Variants in SLC25A17 observed in about 807,000 individuals in gnomAD.
The protein encoded by SLC25A17 is solute carrier family 25 member 17.
A neutral mutation model predicts 38.5 loss-of-function variants in SLC25A17; 26 were observed. That is an observed-to-expected ratio of 0.68 (90% confidence interval 0.50 to 0.94). SLC25A17 has a LOEUF of 0.94. Among genes scored for constraint, SLC25A17 ranks in the 40% least tolerant of loss-of-function variants. The probability of loss-of-function intolerance (pLI) is 0.00; values close to 1 mark genes in which losing one functional copy is unlikely to be tolerated. For synonymous variants in SLC25A17, 139 were observed against 136.2 expected (o/e 1.02, Z -0.14); for missense variants, 333 against 372.7 (o/e 0.89, Z 0.88).
At chr22:40,783,545 C>T (rs1436329540) in intron 4 of SLC25A17, among the ~76,000 whole-genome samples, 1 of 152,088 alleles carries the variant, frequency 6.6e-6, no homozygotes, top group African/African-American at 2.4e-5. Flanking sequence ...CCTCCTACTC[C>T]TGGGCTTAAG....
At chr22:40,806,211 G>A (rs954547391) in intron 1 of SLC25A17, among the ~76,000 whole-genome samples, 1 of 152,140 alleles carries the variant, frequency 6.6e-6, no homozygotes, top group Non-Finnish European at 1.5e-5. Flanking sequence ...GAAGTGGGGA[G>A]GAAACTAAAA....
intron 4 of SLC25A17, among the ~76,000 whole-genome samples, chr22:40,784,791 A>C (rs2057323556): frequency 6.7e-6 from 1 of 150,164 alleles, no homozygotes; most frequent in African/African-American, 2.4e-5. Flanking sequence ...CAACAAAAAA[A>C]AAAAAAAAAA....
chr22:40,811,394 C>T (rs2057579882), intron 1 of SLC25A17, among the ~76,000 whole-genome samples: 1 of 151,278 alleles, frequency 6.6e-6, no homozygotes, highest in East Asian at 2.0e-4. Flanking sequence ...CCTGGCCAAT[C>T]GTGCAGTAAC....
chr22:40,785,910 T>C lies in SLC25A17; in HGVS notation c.334+6615A>G, dbSNP rs915408177. On this transcript the variant is annotated intron_variant, in intron 4 of 8. Transcript: ENST00000435456. ...TTAGCCTCCCAAACTGCTGGGATTATTGACATGAGCCACTGTACCCAGCCC... is the reference window on the plus strand; with the variant it reads ...TTAGCCTCCCAAACTGCTGGGATTACTGACATGAGCCACTGTACCCAGCCC... 6.6e-5 allele frequency among the ~76,000 whole-genome samples: 10 copies of C among 152,240 alleles called. No homozygotes were observed. In the East Asian group the frequency reaches 1.5e-3, roughly 23 times the overall value.
intron 3 of SLC25A17, among the ~76,000 whole-genome samples, chr22:40,793,617 T>C (rs1250440209): frequency 2.0e-5 from 3 of 152,016 alleles, no homozygotes; most frequent in East Asian, 3.9e-4. Flanking sequence ...CTTTCTATTT[T>C]CTTTTTTTTT....
At chr22:40,809,470 T>TAA (rs138314) in intron 1 of SLC25A17, among the ~76,000 whole-genome samples, 86,194 of 148,166 alleles carry the variant, frequency 0.58, 25,254 homozygotes, top group South Asian at 0.68. Flanking sequence ...ACAAAAAAAT[T>TAA]AAAAAAAAAA....
In SLC25A17 at chr22:40,789,167, T is replaced by TG; in HGVS notation, c.334+3357dup. The TG allele has an allele frequency of 3.8e-6, 1 of 260,678 alleles. No homozygotes were observed. Among genetic ancestry groups the TG allele is most frequent in the South Asian group, 5.2e-5 (1 of 19,408 alleles). 16.1% of individuals were successfully genotyped at this position (260,678 alleles called of 1,614,324 possible). On this transcript the variant is annotated intron_variant, in intron 4 of 8. Coordinates refer to ENST00000435456, the MANE Select transcript of SLC25A17 (RefSeq NM_006358.4). The surrounding 1 kb of genome is among the most constrained non-coding windows in gnomAD (Gnocchi z 4.5). Reference sequence around the variant, plus strand: ...ACCACTTGCTCAGGAAAATTAGCTGTGGGGGATGCCCAGCTGCTTGTAGCC... The same window carrying TG: ...ACCACTTGCTCAGGAAAATTAGCTGTGGGGGGATGCCCAGCTGCTTGTAGCC...
chr22:40,785,444 T>C (rs957767490), intron 4 of SLC25A17, among the ~76,000 whole-genome samples: 8 of 152,190 alleles, frequency 5.3e-5, no homozygotes, highest in African/African-American at 1.7e-4. Flanking sequence ...CATTTAACAG[T>C]GGCCATTTGG....
intron 1 of SLC25A17, among the ~76,000 whole-genome samples, chr22:40,814,937 A>G (rs2057623948): frequency 6.6e-6 from 1 of 151,776 alleles, no homozygotes; most frequent in South Asian, 2.1e-4. Flanking sequence ...CTCCTGCCTC[A>G]GCCTCCCGAG....
rs2057170687 is a variant in SLC25A17 at position 40,770,526 on chromosome 22, T to C, written c.*308A>G. The C allele has an allele frequency of 9.9e-6, 2 of 202,732 alleles. No homozygotes were observed. Among genetic ancestry groups the C allele is most frequent in the Non-Finnish European group, 2.0e-5 (2 of 101,556 alleles). The allele number at this position is 202,732 out of a possible 1,614,324, so 12.6% of individuals were successfully genotyped here. On this transcript the variant is annotated 3_prime_UTR_variant, in exon 9 of 9. Coordinates refer to ENST00000435456, the MANE Select transcript of SLC25A17 (RefSeq NM_006358.4). ...AGATTTAAATAGAAAACATTACACA[T>C]GAGAGCAAAATAGTCCATTTCTCTT...
intron 1 of SLC25A17, among the ~76,000 whole-genome samples, chr22:40,810,687 G>T (rs990634178): frequency 1.6e-4 from 25 of 152,224 alleles, no homozygotes; most frequent in African/African-American, 6.0e-4. Flanking sequence ...AGCAAAGCAT[G>T]CACATAGTTT....
intron 7 of SLC25A17, 67 bp from the exon 8 acceptor site, chr22:40,774,086 G>T: frequency 1.1e-6 from 1 of 947,756 alleles, no homozygotes; most frequent in South Asian, 1.3e-5. Flanking sequence ...TTTTACCTGG[G>T]GAGGATATTA....
At position 40,792,654 on chromosome 22, in the gene SLC25A17, A is replaced by G. The variant is rs776081647; in HGVS notation, c.205T>C (p.Phe69Leu). 6.2e-7 allele frequency: 1 copy of G among 1,614,108 alleles called. No homozygotes were observed. Among genetic ancestry groups the G allele is most frequent in the South Asian group, 1.1e-5 (1 of 91,082 alleles). ...EGLLAPYRGW[F>L]PVISSLCCSN... is the part of the protein sequence containing the mutation. ...CAGCAGAGACTGGAAATCACTGGAA[A>G]CCACCCTCGATATGGTGCCAGGCTA... is the stretch of plus-strand genomic sequence containing the variant. Residue 69 changes from phenylalanine to leucine, a missense_variant, in exon 4 of 9, where the codon TTT becomes CTT. Phe to Leu is a conservative substitution (Grantham distance 22). Coordinates refer to ENST00000435456, the MANE Select transcript of SLC25A17 (RefSeq NM_006358.4).
At position 40,796,569 on chromosome 22, in the gene SLC25A17, G is replaced by A. The variant is rs2057431803; in HGVS notation, c.116-1989C>T. 2.0e-5 allele frequency among the ~76,000 whole-genome samples: 3 copies of A among 150,916 alleles called. No homozygotes were observed. The South Asian group carries it at 6.3e-4, about 31-fold the overall frequency. On this transcript the variant is annotated intron_variant, in intron 2 of 8. Transcript: ENST00000435456. Reference sequence around the variant, plus strand: ...CAGGAGAATCACGTGAATCCAGGCCGAGATTGTGCCACTGCACTCCAACCT... The same window carrying A: ...CAGGAGAATCACGTGAATCCAGGCCAAGATTGTGCCACTGCACTCCAACCT...
chr22:40,817,421 C>G (rs1161895014), intron 1 of SLC25A17: 1 of 152,272 alleles, frequency 6.6e-6, no homozygotes, highest in African/African-American at 2.4e-5. Flanking sequence ...TCAGTCCATA[C>G]ACACTTCCCT....
intron 4 of SLC25A17, among the ~76,000 whole-genome samples, chr22:40,786,388 G>A (rs1249101497): frequency 6.6e-6 from 1 of 152,078 alleles, no homozygotes; most frequent in African/African-American, 2.4e-5. Flanking sequence ...TGAGGTGGTG[G>A]TGGAGAGGAA....
intron 8 of SLC25A17, among the ~76,000 whole-genome samples, chr22:40,771,274 A>AT (rs1020661097): frequency 1.7e-4 from 25 of 151,362 alleles, no homozygotes; most frequent in East Asian, 5.8e-4. Flanking sequence ...CACCAGGCTA[A>AT]TTTTTTTTTG....
At chr22:40,787,764 A>C (rs1195506474) in intron 4 of SLC25A17, among the ~76,000 whole-genome samples, 1 of 152,128 alleles carries the variant, frequency 6.6e-6, no homozygotes, top group African/African-American at 2.4e-5. Flanking sequence ...AACAACAAAG[A>C]TAGGCAGGGA....
In SLC25A17 at chr22:40,777,316, A is replaced by G. The variant is rs1398264425; in HGVS notation, c.509T>C (p.Phe170Ser). 24 of 1,614,110 alleles carry G rather than the reference A, an allele frequency of 1.5e-5. No homozygotes were observed. Among genetic ancestry groups the G allele is most frequent in the Non-Finnish European group, 2.0e-5 (24 of 1,180,038 alleles). ...ATTGAAGACCAACAGCAATGAGGGAAATGTGCCATTCCATAAAGCCGAGAT... is the reference window on the plus strand; with the variant it reads ...ATTGAAGACCAACAGCAATGAGGGAGATGTGCCATTCCATAAAGCCGAGAT... ...EGISALWNGTFPSLLLVFNPA... is the reference protein window; with the variant it reads ...EGISALWNGTSPSLLLVFNPA... Residue 170 changes from phenylalanine (F) to serine (S), a missense_variant, in exon 6 of 9, where the codon TTT becomes TCT. Transcript: ENST00000435456.
Sources: gnomAD v4.1 joint callset for allele counts (sites outside exome capture counted in the v4.1 genomes callset) on GRCh38, gnomAD v4.1.1 for gene constraint, Gnocchi (gnomAD v3.1) non-coding constraint, MANE v1.5 for transcripts, NCBI Gene and HGNC (gene_info 2026-07-23, HGNC 2026-07-21) for gene names.